The following PCDH11X variants were observed in gnomAD, a reference collection of about 807,000 sequenced individuals.
The protein encoded by PCDH11X is protocadherin 11 X-linked, also known as protocadherin-11 X-linked.
PCDH11X carries 18 observed loss-of-function variants against 53.3 expected under a neutral mutation model. The ratio of observed to expected loss-of-function variants is 0.34; its 90% confidence interval spans 0.23 to 0.50. PCDH11X has a LOEUF of 0.50. PCDH11X is among the 20% of genes least tolerant of loss of function. PCDH11X has a pLI of 0.98. For synonymous variants in PCDH11X, 279 were observed against 393.3 expected, an observed-to-expected ratio of 0.71 and a Z score of 3.44; for missense variants, 570 against 1,032.4, an observed-to-expected ratio of 0.55 and a Z score of 6.14.
intron 7 of PCDH11X, among the ~76,000 whole-genome samples, chrX:92,213,068 C>G (rs1276595995): frequency 1.8e-5 from 2 of 111,830 alleles, no homozygotes; most frequent in African/African-American, 3.3e-5. Context: ...TGTTGAAGGC[C>G]TTAAATGCCA....
At chrX:92,441,312 C>G (rs1181829476) in intron 9 of PCDH11X, among the ~76,000 whole-genome samples, 1 of 110,569 alleles carries the variant, frequency 9.0e-6, no homozygotes, top group African/African-American at 3.3e-5. Flanking sequence ...AACTAGGAGC[C>G]AAATGTTAAT....
chrX:92,401,364 C>A (rs1237541644), intron 9 of PCDH11X, among the ~76,000 whole-genome samples: 1 of 111,516 alleles, frequency 9.0e-6, no homozygotes, highest in Non-Finnish European at 1.9e-5. Flanking sequence ...ATTTTTATAA[C>A]TCCAAATCGT....
At chrX:92,336,502 G>C (rs1289431489) in intron 8 of PCDH11X, among the ~76,000 whole-genome samples, 6 of 111,718 alleles carry the variant, frequency 5.4e-5, no homozygotes, top group Non-Finnish European at 1.1e-4. Flanking sequence ...TTTCAGCCTT[G>C]TAAATTTCAA....
intron 9 of PCDH11X, among the ~76,000 whole-genome samples, chrX:92,414,134 C>T (rs1180274306): frequency 2.8e-5 from 3 of 105,899 alleles, no homozygotes; most frequent in African/African-American, 1.0e-4. Context: ...TCTGTTTAAT[C>T]CTTAGAGAAG....
chrX:92,256,626 G>A (rs192562750), intron 7 of PCDH11X, among the ~76,000 whole-genome samples: 8 of 111,300 alleles, frequency 7.2e-5, no homozygotes, highest in South Asian at 3.8e-4. Context: ...AATGTGTGCC[G>A]TGGTGGTTTG....
chrX:91,989,549 C>T (rs1186585704), intron 6 of PCDH11X, among the ~76,000 whole-genome samples: 8 of 103,456 alleles, frequency 7.7e-5, no homozygotes, highest in East Asian at 3.1e-4. Context: ...GGCAACAGAG[C>T]GAGACTCTAT....
intron 6 of PCDH11X, among the ~76,000 whole-genome samples, chrX:92,004,370 A>G (rs2062560984): frequency 9.0e-6 from 1 of 111,029 alleles, no homozygotes; most frequent in Non-Finnish European, 1.9e-5. Flanking sequence ...GTTAGATGAA[A>G]TGTTCTGTAA....
chrX:92,460,345 G>A (rs1331959043), intron 9 of PCDH11X: 8 of 927,183 alleles, frequency 8.6e-6, no homozygotes, highest in Admixed American at 2.2e-5. Context: ...AGCCCAGATT[G>A]CCAGCTTTAG....
intron 6 of PCDH11X, among the ~76,000 whole-genome samples, chrX:92,110,606 G>A (rs2064481653): frequency 9.0e-6 from 1 of 111,401 alleles, no homozygotes; most frequent in Admixed American, 9.6e-5. Context: ...TGGGGAAGGG[G>A]AACAATCAGC....
At chrX:91,898,562 A>G (rs1940836267) in intron 6 of PCDH11X, among the ~76,000 whole-genome samples, 1 of 108,823 alleles carries the variant, frequency 9.2e-6, no homozygotes, top group Non-Finnish European at 1.9e-5. Flanking sequence ...ATTACTGACA[A>G]TATTGACTAA....
intron 6 of PCDH11X, among the ~76,000 whole-genome samples, chrX:91,913,176 G>T (rs745853603): frequency 9.0e-6 from 1 of 111,043 alleles, no homozygotes; most frequent in East Asian, 2.9e-4. Flanking sequence ...ATTGGTAGTG[G>T]TTTTGGCTGG....
chrX:92,141,761 T>C (rs181887384), intron 6 of PCDH11X, among the ~76,000 whole-genome samples: 226 of 111,795 alleles, frequency 2.0e-3, no homozygotes, highest in African/African-American at 7.2e-3. Context: ...TAGTCACAAA[T>C]GGTAAGTTAA....
At chrX:92,139,298 G>T (rs2148213052) in intron 6 of PCDH11X, among the ~76,000 whole-genome samples, 1 of 72,033 alleles carries the variant, frequency 1.4e-5, no homozygotes, top group South Asian at 8.2e-4. Context: ...TTGTTGAGAT[G>T]GAGTCTTGCT....
Position 92,503,183 on chromosome X carries a change from C to T in PCDH11X, c.3367+34861C>T, listed in dbSNP as rs757639832. On this transcript the variant is annotated intron_variant, in intron 10 of 10. Transcript: ENST00000682573. ...AATCAAAACCACAATGATATACCATCTCATACCAGTCAGAATGGCTATTAC... is the reference window on the plus strand; with the variant it reads ...AATCAAAACCACAATGATATACCATTTCATACCAGTCAGAATGGCTATTAC... Among the ~76,000 whole-genome samples, 684 of 105,776 alleles carry T rather than the reference C, an allele frequency of 6.5e-3. 5 individuals carry two copies. The highest frequency in any genetic ancestry group is 0.022 in the African/African-American group (629 of 29,088). The allele number at this position is 105,776 out of a possible 115,157, so 91.9% of individuals were successfully genotyped here.
intron 5 of PCDH11X, among the ~76,000 whole-genome samples, chrX:91,870,374 A>G (rs748359597): frequency 5.3e-4 from 59 of 111,228 alleles, no homozygotes; most frequent in African/African-American, 1.8e-3. Context: ...TCTTATAAAA[A>G]CAAAGTTGGG....
Position 92,620,971 on chromosome X carries a change from G to A in PCDH11X, c.*2031G>A, listed in dbSNP as rs1381190884. ...TGTTGAAAATTTTAAACTTGGGGAA[G>A]ATTAAGAAAAGAACCAATAGTGACA... is the stretch of plus-strand genomic sequence containing the variant. On this transcript the variant is annotated 3_prime_UTR_variant, in exon 11 of 11. Coordinates refer to ENST00000682573, the MANE Select transcript of PCDH11X (RefSeq NM_032968.5). 1 of 107,966 alleles carries A rather than the reference G, an allele frequency of 9.3e-6. No homozygotes were observed. Among genetic ancestry groups the A allele is most frequent in the African/African-American group, 3.4e-5 (1 of 29,142 alleles). 8.9% of individuals were successfully genotyped at this position (107,966 alleles called of 1,213,427 possible).
At chrX:92,097,215 G>C (rs2064154633) in intron 6 of PCDH11X, among the ~76,000 whole-genome samples, 1 of 110,379 alleles carries the variant, frequency 9.1e-6, no homozygotes, top group Non-Finnish European at 1.9e-5. Context: ...CCAGGAGTTT[G>C]AGACCAGCCT....
chrX:92,087,678 A>G (rs2759947), intron 6 of PCDH11X, among the ~76,000 whole-genome samples: 37 of 110,494 alleles, frequency 3.3e-4, no homozygotes, highest in African/African-American at 1.1e-3. Context: ...AGGTTTGTAC[A>G]TAATTCATAT....
intron 6 of PCDH11X, among the ~76,000 whole-genome samples, chrX:91,998,444 A>G (rs1320761171): frequency 9.1e-6 from 1 of 109,540 alleles, no homozygotes; most frequent in African/African-American, 3.3e-5. Context: ...AGTCTAGCTA[A>G]AAGATTGATA....
Sources: allele counts gnomAD v4.1 joint callset (sites outside exome capture counted in the v4.1 genomes callset), GRCh38; gene constraint gnomAD v4.1.1; transcripts MANE v1.5; gene names NCBI Gene and HGNC (gene_info 2026-07-23, HGNC 2026-07-21).